The following FAAH2 variants were observed in gnomAD, a reference collection of about 807,000 sequenced individuals.
FAAH2 encodes fatty acid amide hydrolase 2, also known as fatty-acid amide hydrolase 2.
In FAAH2, 60 loss-of-function variants were observed where a neutral mutation model predicts 36.9. That is an observed-to-expected ratio of 1.63 (90% CI 1.32 to 2.02). The LOEUF (loss-of-function observed/expected upper bound fraction) is 2.02. Ranked by LOEUF, FAAH2 falls within the 30% of genes most tolerant of loss-of-function variation. The pLI is 0.00. For missense variants in FAAH2, 689 were observed against 397.5 expected (o/e 1.73, Z -6.23); for synonymous variants, 214 against 143.8 (o/e 1.49, Z -3.49).
chrX:57,216,392 G>C, the FAAH2 span, among the ~76,000 whole-genome samples: 6 of 102,639 alleles, frequency 5.8e-5, no homozygotes, highest in Non-Finnish European at 1.2e-4. Flanking sequence ...TTCCATTCCT[G>C]AGTTATTTCA....
intron 5 of FAAH2, among the ~76,000 whole-genome samples, chrX:57,343,409 G>T (rs1376251963): frequency 9.0e-6 from 1 of 111,280 alleles, no homozygotes; most frequent in Non-Finnish European, 1.9e-5. Context: ...TTGGCTGCTT[G>T]TACATCTTCT....
At chrX:57,430,008 A>C (rs958068150) in intron 7 of FAAH2, among the ~76,000 whole-genome samples, 1 of 111,308 alleles carries the variant, frequency 9.0e-6, no homozygotes, top group Non-Finnish European at 1.9e-5. Context: ...AAGGAGTAAA[A>C]TAATAGACAC....
chrX:57,236,357 C>T, the FAAH2 span, among the ~76,000 whole-genome samples: 2 of 111,858 alleles, frequency 1.8e-5, no homozygotes, highest in African/African-American at 6.5e-5. Context: ...CCATATAAAC[C>T]CAGTGGTGAA....
At chrX:57,424,139 C>T (rs1187405709) in intron 7 of FAAH2, among the ~76,000 whole-genome samples, 3 of 112,004 alleles carry the variant, frequency 2.7e-5, no homozygotes, top group Middle Eastern at 4.6e-3. Flanking sequence ...CACACTGAGG[C>T]TATTTATGAC....
chrX:57,467,988 G>C (rs967907250), intron 10 of FAAH2, among the ~76,000 whole-genome samples: 2 of 111,656 alleles, frequency 1.8e-5, no homozygotes, highest in Admixed American at 9.5e-5. Flanking sequence ...AGGCAAACAG[G>C]GTCTGGAGTG....
At position 57,427,351 on chromosome X, in the gene FAAH2, T is replaced by TA. The variant is rs201417734; in HGVS notation, c.997-4557dup. Among the ~76,000 whole-genome samples, 108 of 108,506 alleles carry TA rather than the reference T, an allele frequency of 1.0e-3. 1 individual carries two copies. In the South Asian group the frequency reaches 0.024, roughly 24 times the overall value. 94.2% of individuals were successfully genotyped at this position (108,506 alleles called of 115,157 possible). On this transcript the variant is annotated intron_variant, in intron 7 of 10. Coordinates refer to ENST00000374900, the MANE Select transcript of FAAH2 (RefSeq NM_174912.4). Reference sequence around the variant, plus strand: ...TTATTCCAGTCCTACTGAAACAATTTAAAAAAAAAATCAATATGGAAGGGA... The same window carrying TA: ...TTATTCCAGTCCTACTGAAACAATTTAAAAAAAAAAATCAATATGGAAGGGA...
chrX:57,470,646 G>T (rs1402984956), intron 10 of FAAH2, among the ~76,000 whole-genome samples: 3 of 110,936 alleles, frequency 2.7e-5, no homozygotes, highest in Non-Finnish European at 5.7e-5. Flanking sequence ...AGATGGACTC[G>T]CAGCCAAATT....
chrX:57,235,891 C>A, the FAAH2 span, among the ~76,000 whole-genome samples: 1 of 106,939 alleles, frequency 9.4e-6, no homozygotes, highest in Non-Finnish European at 1.9e-5. Flanking sequence ...AATATACAAA[C>A]ATATTTATTA....
chrX:57,482,591 C>A (rs1164657449), intron 10 of FAAH2, among the ~76,000 whole-genome samples: 1 of 109,813 alleles, frequency 9.1e-6, no homozygotes, highest in Non-Finnish European at 1.9e-5. Context: ...CCAGTCCCTA[C>A]GAGATGAACT....
the FAAH2 span, among the ~76,000 whole-genome samples, chrX:57,172,897 G>C: frequency 8.9e-6 from 1 of 111,977 alleles, no homozygotes; most frequent in Non-Finnish European, 1.9e-5. Context: ...CCACCTGTGT[G>C]TCTGACTGCT....
the FAAH2 span, among the ~76,000 whole-genome samples, chrX:57,278,290 T>G: frequency 8.9e-6 from 1 of 111,912 alleles, no homozygotes; most frequent in African/African-American, 3.2e-5. Flanking sequence ...TACGGCCATC[T>G]GATCTTTGAC....
chrX:57,165,885 C>T, the FAAH2 span, among the ~76,000 whole-genome samples: 1 of 110,162 alleles, frequency 9.1e-6, no homozygotes, highest in Admixed American at 9.7e-5. Flanking sequence ...TGTTTTCACA[C>T]CCAAATGTTG....
the FAAH2 span, among the ~76,000 whole-genome samples, chrX:57,168,481 C>T: frequency 8.9e-6 from 1 of 111,793 alleles, no homozygotes; most frequent in Admixed American, 9.5e-5. Context: ...TTGATATCTT[C>T]AAATCAAATA....
intron 8 of FAAH2, among the ~76,000 whole-genome samples, chrX:57,440,335 T>C (rs892528137): frequency 4.5e-5 from 5 of 111,485 alleles, no homozygotes; most frequent in Non-Finnish European, 7.5e-5. Flanking sequence ...TAGGCTGGAT[T>C]CCTAGATATT....
rs146874627 is a variant in FAAH2 at position 57,286,949 on chromosome X, C to T, written c.124C>T (p.Arg42Trp). ...TCCAAAGTTTGCCTCAAAGACCCCT[C>T]GGCCGGTGACTGAACCATTGCTTCT... ...GGPKFASKTP[R>W]PVTEPLLLLS... Residue 42 changes from arginine to tryptophan, a missense_variant, in exon 1 of 11, where the codon CGG becomes TGG. Coordinates refer to ENST00000374900, the MANE Select transcript of FAAH2 (RefSeq NM_174912.4). 10,329 of 1,200,848 alleles carry T rather than the reference C, an allele frequency of 8.6e-3. 36 individuals carry two copies. Among genetic ancestry groups the T allele is most frequent in the Non-Finnish European group, 0.01 (8,922 of 890,865 alleles).
At chrX:57,201,232 C>T in the FAAH2 span, among the ~76,000 whole-genome samples, 1 of 109,607 alleles carries the variant, frequency 9.1e-6, no homozygotes, top group African/African-American at 3.3e-5. Context: ...ACCAGCCTGG[C>T]CAAGATGGTG....
At chrX:57,214,593 AT>A in the FAAH2 span, among the ~76,000 whole-genome samples, 3 of 110,254 alleles carry the variant, frequency 2.7e-5, no homozygotes, top group Admixed American at 9.7e-5. Flanking sequence ...TGCCTGGCTA[AT>A]TTTTTTGTAT....
chrX:57,425,187 G>A (rs1323133274), intron 7 of FAAH2, among the ~76,000 whole-genome samples: 1 of 111,228 alleles, frequency 9.0e-6, no homozygotes, highest in Non-Finnish European at 1.9e-5. Flanking sequence ...AAAAGAAATA[G>A]TTTCAAAAAA....
At chrX:57,309,388 C>T (rs1232309966) in intron 2 of FAAH2, among the ~76,000 whole-genome samples, 1 of 112,329 alleles carries the variant, frequency 8.9e-6, no homozygotes, top group Non-Finnish European at 1.9e-5. Context: ...CTTCTCTTTT[C>T]ACTTACATTA....
Sources: allele counts gnomAD v4.1 joint callset (sites outside exome capture counted in the v4.1 genomes callset), GRCh38; gene constraint gnomAD v4.1.1; transcripts MANE v1.5; gene names NCBI Gene and HGNC (gene_info 2026-07-23, HGNC 2026-07-21).